WDR47: variants seen among roughly 807,000 people sequenced by gnomAD.
WDR47 encodes WD repeat-containing protein 47.
A neutral mutation model predicts 97.2 loss-of-function variants in WDR47; 32 were observed. The ratio of observed to expected loss-of-function variants is 0.33; its 90% confidence interval spans 0.25 to 0.44. The LOEUF (loss-of-function observed/expected upper bound fraction) is 0.44, where lower values mean the gene tolerates loss of function less well. WDR47 is among the 20% of genes least tolerant of loss of function. WDR47 has a pLI of 1.00. For missense variants in WDR47, 782 were observed against 1,102.3 expected, an observed-to-expected ratio of 0.71 and a Z score of 4.11; for synonymous variants, 375 against 373.5, an observed-to-expected ratio of 1.00 and a Z score of -0.05.
chr1:108,980,226 T>C (rs1357534926), intron 13 of WDR47, among the ~76,000 whole-genome samples: 2 of 151,784 alleles, frequency 1.3e-5, no homozygotes, highest in Admixed American at 6.6e-5. Context: ...ATTTTGAAAA[T>C]GATACAAACT....
At chr1:108,973,801 T>C (rs1657662867) in intron 14 of WDR47, among the ~76,000 whole-genome samples, 1 of 151,962 alleles carries the variant, frequency 6.6e-6, no homozygotes, top group Admixed American at 6.6e-5. Flanking sequence ...AAGGATGGCT[T>C]GAACCCAGGA....
At chr1:108,978,271 C>G (rs1425674779) in intron 13 of WDR47, among the ~76,000 whole-genome samples, 1 of 151,202 alleles carries the variant, frequency 6.6e-6, no homozygotes, top group East Asian at 1.9e-4. Flanking sequence ...GTCAGGAGAT[C>G]GAGACCATCC....
At chr1:109,029,878 A>G (rs957476057) in intron 1 of WDR47, among the ~76,000 whole-genome samples, 5 of 149,972 alleles carry the variant, frequency 3.3e-5, no homozygotes, top group African/African-American at 1.2e-4. Context: ...TTCGTCTCAA[A>G]AAAAAAAAAA....
chr1:108,998,286 T>A (rs1659908838), intron 7 of WDR47, among the ~76,000 whole-genome samples: 2 of 152,240 alleles, frequency 1.3e-5, no homozygotes, highest in South Asian at 4.1e-4. Flanking sequence ...GCAGATCACC[T>A]GAGGTAGGGA....
At chr1:109,001,348 C>T (rs1160316218) in intron 7 of WDR47, among the ~76,000 whole-genome samples, 1 of 151,920 alleles carries the variant, frequency 6.6e-6, no homozygotes, top group Non-Finnish European at 1.5e-5. Context: ...TAAACACACA[C>T]GTGTGTGTAT....
chr1:108,985,581 G>A (rs1658726716), intron 10 of WDR47, among the ~76,000 whole-genome samples: 1 of 152,108 alleles, frequency 6.6e-6, no homozygotes, highest in Non-Finnish European at 1.5e-5. Flanking sequence ...CAATAAACAT[G>A]TTTGTTTTAC....
chr1:108,991,058 A>G (rs1659307198), intron 9 of WDR47, among the ~76,000 whole-genome samples, 196 bp downstream of exon 9: 1 of 151,454 alleles, frequency 6.6e-6, no homozygotes, highest in Non-Finnish European at 1.5e-5. Flanking sequence ...GAGTGGTGCA[A>G]CGGCTATCCA....
At chr1:108,974,814 AGC>A (rs1265404999) in intron 13 of WDR47, 60 bp from the exon 14 acceptor site, 30 of 1,268,584 alleles carry the variant, frequency 2.4e-5, no homozygotes, top group Non-Finnish European at 2.9e-5. Flanking sequence ...ATGGCAACAC[AGC>A]TGATTATGTC....
At position 109,032,001 on chromosome 1, in the gene WDR47, T is replaced by C. The variant is rs962221101; in HGVS notation, c.-9-8480A>G. The stretch of plus-strand genomic sequence containing the variant: ...TTTTTGTAGAGACAGGATTTCACCA[T>C]GTTGCTCAGGCTGGTCTCCCACTCC... On this transcript the variant is annotated intron_variant, in intron 1 of 14. Transcript: ENST00000369962. 1.2e-4 allele frequency among the ~76,000 whole-genome samples: 17 copies of C among 136,774 alleles called. 2 individuals are homozygous for C. The highest frequency in any genetic ancestry group is 4.5e-4 in the African/African-American group (17 of 38,018). The allele number at this position is 136,774 out of a possible 152,430, so 89.7% of individuals were successfully genotyped here. A position where few individuals can be genotyped will look rare whatever the true frequency, so the allele number is the denominator to read the frequency against.
At chr1:109,035,816 CTT>C (rs200992563) in intron 1 of WDR47, among the ~76,000 whole-genome samples, 48 of 143,344 alleles carry the variant, frequency 3.3e-4, no homozygotes, top group Admixed American at 4.2e-4. Flanking sequence ...TTTGTATCTT[CTT>C]TTTTTTTTTT....
chr1:109,039,373 T>C (rs546971761), intron 1 of WDR47, among the ~76,000 whole-genome samples: 1 of 152,218 alleles, frequency 6.6e-6, no homozygotes, highest in South Asian at 2.1e-4. Context: ...TTCTCCTACC[T>C]CAGCCTCCCA....
intron 7 of WDR47, among the ~76,000 whole-genome samples, chr1:108,996,402 A>C (rs1659751884): frequency 2.0e-5 from 3 of 152,212 alleles, no homozygotes; most frequent in Admixed American, 2.0e-4. Context: ...AACAGAAAAA[A>C]AATTCTTTTT....
rs1659331155 is a variant in WDR47, at chr1:108,991,291, T to G, written c.1730A>C (p.Asp577Ala). ...EHSVIKPPLG[D>A]SPGSLSRSKG... ...CGACCTTGAAAGACTCCCTGGAGAA[T>G]CTCCAAGAGGTGGCTTAATGACCGA... The change falls in exon 9 of 15, where the codon GAT becomes GCT. Residue 577 changes from aspartate (D) to alanine (A), a missense_variant. Asp to Ala is a moderately radical substitution (Grantham distance 126). This residue lies in a region of WDR47 where 126 missense variants were observed against 121.3 expected (regional missense o/e 1.04). Transcript: ENST00000369962. 1 of 1,612,836 alleles carries G rather than the reference T, an allele frequency of 6.2e-7. No individual in the cohort carries two copies.
chr1:109,022,620 T>A (rs1279277338), intron 2 of WDR47, among the ~76,000 whole-genome samples: 1 of 152,178 alleles, frequency 6.6e-6, no homozygotes, highest in African/African-American at 2.4e-5. Context: ...AGTCTCACTC[T>A]GCTGCCCAGG....
intron 3 of WDR47, among the ~76,000 whole-genome samples, chr1:109,015,744 T>C (rs141841865): frequency 1.3e-5 from 2 of 151,530 alleles, no homozygotes; most frequent in African/African-American, 4.8e-5. Flanking sequence ...TCCCAGCACT[T>C]TGGGAGGCCA....
chr1:109,021,320 G>C (rs1376783950), intron 2 of WDR47, among the ~76,000 whole-genome samples: 2 of 152,060 alleles, frequency 1.3e-5, no homozygotes, highest in African/African-American at 2.4e-5. Context: ...CTGAGGTCAG[G>C]AGTTTGAGAC....
At chr1:109,024,121 A>G (rs1489524839) in intron 1 of WDR47, among the ~76,000 whole-genome samples, 2 of 152,224 alleles carry the variant, frequency 1.3e-5, no homozygotes, top group Non-Finnish European at 2.9e-5. Context: ...TGACCTGGTC[A>G]GTACAGCGGA....
At chr1:109,035,763 T>C (rs1662902298) in intron 1 of WDR47, among the ~76,000 whole-genome samples, 1 of 151,998 alleles carries the variant, frequency 6.6e-6, no homozygotes, top group Non-Finnish European at 1.5e-5. Flanking sequence ...CCCAAAATGC[T>C]GGGATTACAG....
At chr1:108,993,906 A>G (rs538422548) in intron 8 of WDR47, among the ~76,000 whole-genome samples, 26 of 152,342 alleles carry the variant, frequency 1.7e-4, no homozygotes, top group East Asian at 1.9e-4. Context: ...AAGCTATATG[A>G]AAAAGAAATA....
Sources: gnomAD v4.1 joint callset for allele counts (sites outside exome capture counted in the v4.1 genomes callset) on GRCh38, gnomAD v4.1.1 for gene constraint, gnomAD v4.1.1 regional missense constraint, MANE v1.5 for transcripts, NCBI Gene and HGNC (gene_info 2026-07-23, HGNC 2026-07-21) for gene names.